GPR141: variants seen among roughly 807,000 people sequenced by gnomAD.
GPR141 encodes the protein G protein-coupled receptor 141, also known as probable G protein-coupled receptor 141.
GPR141 carries 6 observed loss-of-function variants against 6.8 expected under a neutral mutation model. That is an observed-to-expected ratio of 0.88 (90% CI 0.48 to 1.74). The LOEUF (loss-of-function observed/expected upper bound fraction) is 1.74. Ranked by LOEUF, GPR141 falls within the 40% of genes most tolerant of loss-of-function variation. GPR141 has a pLI of 0.01. For synonymous variants in GPR141, 140 were observed against 142.3 expected (o/e 0.98, Z 0.11); for missense variants, 372 against 372.9 (o/e 1.00, Z 0.02).
Position 37,742,585 on chromosome 7 carries a change from T to C in GPR141, c.*1274T>C, listed in dbSNP as rs949911645. 6.6e-6 allele frequency among the ~76,000 whole-genome samples: 1 copy of C among 152,158 alleles called. No homozygotes were observed. The highest frequency in any genetic ancestry group is 1.5e-5 in the Non-Finnish European group (1 of 68,026). On this transcript the variant is annotated 3_prime_UTR_variant, in exon 3 of 3. Coordinates refer to ENST00000334425, the MANE Select transcript of GPR141 (RefSeq NM_001381946.1). ...TTTAAATAAATGAAAACTGTGTTTT[T>C]AAAAGAGGACTTTTGAGAAGTATAT...
intron 2 of GPR141, among the ~76,000 whole-genome samples, chr7:37,701,143 C>T (rs1397897097): frequency 6.6e-6 from 1 of 152,196 alleles, no homozygotes; most frequent in South Asian, 2.1e-4. Context: ...TCTTATGATT[C>T]GTTGTGATTT....
chr7:37,734,850 T>C (rs1693643374), intron 2 of GPR141, among the ~76,000 whole-genome samples: 1 of 152,088 alleles, frequency 6.6e-6, no homozygotes, highest in Admixed American at 6.5e-5. Context: ...GCTTGAGGCA[T>C]TGAGTGAAGA....
chr7:37,714,579 G>C (rs1275176174), intron 2 of GPR141, among the ~76,000 whole-genome samples: 2 of 152,112 alleles, frequency 1.3e-5, no homozygotes, highest in Non-Finnish European at 2.9e-5. Flanking sequence ...TAACTTCTTG[G>C]ACAATTTAAG....
At chr7:37,740,329 G>A (rs759189693) in intron 2 of GPR141, 51 bp from the exon 3 acceptor site, 8 of 1,176,608 alleles carry the variant, frequency 6.8e-6, no homozygotes, top group Non-Finnish European at 9.8e-6. Flanking sequence ...AAAGAGATAG[G>A]AACAAAGCTC....
chr7:37,736,589 T>C (rs1812253220), intron 2 of GPR141, among the ~76,000 whole-genome samples: 2 of 150,594 alleles, frequency 1.3e-5, no homozygotes, highest in African/African-American at 4.9e-5. Flanking sequence ...ATAGAAGCAA[T>C]GGCAATATTG....
At position 37,740,757 on chromosome 7, in the gene GPR141, G is replaced by A. The variant is rs1173617666; in HGVS notation, c.364G>A (p.Asp122Asn). ...ATACCTCATCTTCTTCAAGTGCAAA[G>A]ACAAAGTGGAATTCTACAGAAAACT... ...TRYLIFFKCKDKVEFYRKLHA... is the reference protein window; with the variant it reads ...TRYLIFFKCKNKVEFYRKLHA... Residue 122 changes from aspartate to asparagine, a missense_variant, in exon 3 of 3, where the codon GAC becomes AAC. Physicochemically the swap from Asp to Asn is conservative, Grantham distance 23. Transcript: ENST00000334425. 1.1e-5 allele frequency: 18 copies of A among 1,614,038 alleles called. No homozygotes were observed. Among genetic ancestry groups the A allele is most frequent in the Non-Finnish European group, 1.4e-5 (17 of 1,180,022 alleles).
chr7:37,725,056 G>T (rs887203826), intron 2 of GPR141, among the ~76,000 whole-genome samples: 5 of 152,122 alleles, frequency 3.3e-5, no homozygotes, highest in African/African-American at 1.2e-4. Context: ...ATAATCTCTA[G>T]GTTTCACTCT....
intron 2 of GPR141, among the ~76,000 whole-genome samples, chr7:37,687,637 C>T (rs1562762622): frequency 1.3e-5 from 2 of 152,082 alleles, no homozygotes; most frequent in Non-Finnish European, 2.9e-5. Context: ...TCGAATATGT[C>T]TTATGATCCA....
In GPR141 at chr7:37,740,772, T is replaced by C; in HGVS notation, c.379T>C (p.Tyr127His). 1 of 1,614,168 alleles carries C rather than the reference T, an allele frequency of 6.2e-7. No individual in the cohort carries two copies. The highest frequency in any genetic ancestry group is 8.5e-7 in the Non-Finnish European group (1 of 1,179,998). ...FFKCKDKVEF[Y>H]RKLHAVAASA... ...CAAGTGCAAAGACAAAGTGGAATTC[T>C]ACAGAAAACTGCATGCTGTGGCTGC... Residue 127 changes from tyrosine (Y) to histidine (H), a missense_variant, in exon 3 of 3, where the codon TAC (tyrosine) becomes CAC (histidine). Physicochemically the swap from Tyr to His is moderately conservative, Grantham distance 83 (BLOSUM62 2). Transcript: ENST00000334425.
chr7:37,719,604 T>G (rs138012584), intron 2 of GPR141, among the ~76,000 whole-genome samples: 36 of 152,318 alleles, frequency 2.4e-4, no homozygotes, highest in East Asian at 1.5e-3. Context: ...CACACACGTC[T>G]GCGAATTATG....
In GPR141 at chr7:37,740,458, G is replaced by A. The variant is rs925160389; in HGVS notation, c.65G>A (p.Ser22Asn). ...CCTATAGTGACACCCCACTTAATCA[G>A]CCTCTACTTCATAGTGCTTATTGGC... ...CDPIVTPHLI[S>N]LYFIVLIGGL... The change falls in exon 3 of 3, where the codon AGC (serine) becomes AAC (asparagine). Residue 22 changes from serine to asparagine, a missense_variant. By Grantham distance (46) the Ser-to-Asn change is conservative. Coordinates refer to ENST00000334425, the MANE Select transcript of GPR141 (RefSeq NM_001381946.1). 1.9e-6 allele frequency: 3 copies of A among 1,613,966 alleles called. No individual in the cohort carries two copies. The highest frequency in any genetic ancestry group is 2.5e-6 in the Non-Finnish European group (3 of 1,179,938).
intron 2 of GPR141, among the ~76,000 whole-genome samples, chr7:37,689,017 G>T (rs985462784): frequency 6.6e-6 from 1 of 151,928 alleles, no homozygotes; most frequent in South Asian, 2.1e-4. Flanking sequence ...GAAGTTTTTC[G>T]TTATCCCAGA....
intron 2 of GPR141, among the ~76,000 whole-genome samples, chr7:37,702,090 A>AT (rs1271591010): frequency 6.6e-6 from 1 of 152,036 alleles, no homozygotes; most frequent in Admixed American, 6.5e-5. Context: ...ACTTTTTAAG[A>AT]TTTTTTTCTT....
intron 2 of GPR141, among the ~76,000 whole-genome samples, chr7:37,695,386 CTG>C (rs1032770512): frequency 6.6e-6 from 1 of 152,220 alleles, no homozygotes; most frequent in African/African-American, 2.4e-5. Context: ...AAGAGCACAG[CTG>C]TGTGGACTCC....
chr7:37,686,738 T>C (rs1217821278), intron 2 of GPR141, among the ~76,000 whole-genome samples: 1 of 152,182 alleles, frequency 6.6e-6, no homozygotes, highest in Non-Finnish European at 1.5e-5. Context: ...AGATGGCTTC[T>C]CTTTTCAAAA....
intron 2 of GPR141, among the ~76,000 whole-genome samples, chr7:37,703,684 G>A (rs1810396457): frequency 6.6e-6 from 1 of 152,134 alleles, no homozygotes; most frequent in South Asian, 2.1e-4. Context: ...CTAAAATGGA[G>A]GGAGCAATAG....
intron 2 of GPR141, among the ~76,000 whole-genome samples, chr7:37,739,556 T>G (rs1812426668): frequency 6.6e-6 from 1 of 152,182 alleles, no homozygotes; most frequent in Admixed American, 6.5e-5. Flanking sequence ...GACATGACTT[T>G]CTTAGTGAAA....
At chr7:37,731,654 G>T (rs1811943831) in intron 2 of GPR141, among the ~76,000 whole-genome samples, 1 of 152,032 alleles carries the variant, frequency 6.6e-6, no homozygotes, top group Admixed American at 6.5e-5. Flanking sequence ...GGGTTTCACC[G>T]AGTTAGCCAG....
chr7:37,700,819 A>T (rs543516599), intron 2 of GPR141, among the ~76,000 whole-genome samples: 62 of 152,326 alleles, frequency 4.1e-4, no homozygotes, highest in Admixed American at 4.1e-3. Flanking sequence ...TATATGTAAG[A>T]TGAAATTTGA....
Sources: allele counts gnomAD v4.1 joint callset (sites outside exome capture counted in the v4.1 genomes callset), GRCh38; gene constraint gnomAD v4.1.1; transcripts MANE v1.5; gene names NCBI Gene and HGNC (gene_info 2026-07-23, HGNC 2026-07-21).